Variants in ATRX observed in about 807,000 individuals in gnomAD.
ATRX encodes chromatin remodeler ATRX.
Under a neutral mutation model 172.6 loss-of-function variants are expected in ATRX, and 12 were observed. That is an observed-to-expected ratio of 0.07 (90% CI 0.04 to 0.11). The LOEUF (loss-of-function observed/expected upper bound fraction) is 0.11, where lower values mean the gene tolerates loss of function less well. ATRX is among the 10% of genes least tolerant of loss of function. ATRX has a pLI of 1.00. For missense variants in ATRX, 1,368 were observed against 1,767.4 expected (o/e 0.77, Z 4.05); for synonymous variants, 674 against 594.7 (o/e 1.13, Z -1.94).
At chrX:77,689,265 T>C (rs2071750101) in intron 6 of ATRX, among the ~76,000 whole-genome samples, 1 of 111,964 alleles carries the variant, frequency 8.9e-6, no homozygotes, top group Non-Finnish European at 1.9e-5. Context: ...AAATTCAGTA[T>C]CAGTCCTTAA....
intron 1 of ATRX, among the ~76,000 whole-genome samples, chrX:77,750,246 A>G (rs1446084753): frequency 8.9e-6 from 1 of 111,822 alleles, no homozygotes; most frequent in Admixed American, 9.6e-5. Context: ...ACATAAGTGT[A>G]TATAGGATTC....
chrX:77,668,917 T>C (rs965068371), intron 10 of ATRX, among the ~76,000 whole-genome samples: 5 of 110,719 alleles, frequency 4.5e-5, no homozygotes, highest in Non-Finnish European at 3.8e-5. Flanking sequence ...ATGAGTAATG[T>C]CGCTTGTTTA....
At chrX:77,729,860 C>A (rs2074221938) in intron 1 of ATRX, among the ~76,000 whole-genome samples, 1 of 111,331 alleles carries the variant, frequency 9.0e-6, no homozygotes, top group Non-Finnish European at 1.9e-5. Flanking sequence ...TTGCTTGAAC[C>A]CGGGAGGCAG....
At chrX:77,684,683 C>A (rs1557142894) in intron 8 of ATRX, 90 bp from the exon 9 acceptor site, 1 of 1,017,530 alleles carries the variant, frequency 9.8e-7, no homozygotes, top group Non-Finnish European at 1.4e-6. Flanking sequence ...TTATTCCCAA[C>A]AAAACTCATT....
chrX:77,586,929 C>T (rs951724711), intron 27 of ATRX, among the ~76,000 whole-genome samples: 5 of 110,049 alleles, frequency 4.5e-5, no homozygotes, highest in Admixed American at 9.8e-5. Flanking sequence ...GTGGCACACA[C>T]CTGTAATCCC....
At chrX:77,766,543 G>C (rs1467988916) in intron 1 of ATRX, among the ~76,000 whole-genome samples, 1 of 109,160 alleles carries the variant, frequency 9.2e-6, no homozygotes, top group Non-Finnish European at 1.9e-5. Flanking sequence ...CTCCCAGACG[G>C]GGTCGCAGCC....
At chrX:77,527,931 A>G (rs983658007) in intron 30 of ATRX, among the ~76,000 whole-genome samples, 4 of 109,936 alleles carry the variant, frequency 3.6e-5, no homozygotes, top group African/African-American at 1.3e-4. Context: ...GCCTTGCCAG[A>G]TAAGGGGGCC....
rs2062706780 is a variant in ATRX, at chrX:77,506,413, G to A, written c.*1938C>T. The A allele has an allele frequency of 5.7e-6, 1 of 174,326 alleles. No homozygotes were observed. Among genetic ancestry groups the A allele is most frequent in the Non-Finnish European group, 1.1e-5 (1 of 90,820 alleles). 14.4% of individuals were successfully genotyped at this position (174,326 alleles called of 1,213,427 possible). A position where few individuals can be genotyped will look rare whatever the true frequency, so the allele number is the denominator to read the frequency against. On this transcript the variant is annotated 3_prime_UTR_variant, in exon 35 of 35. Transcript: ENST00000373344. ...CATCCATGGTGAAAAAGATTTAGAAGGTTGCCTAAAATTTTCACATCTATG... is the reference window on the plus strand; with the variant it reads ...CATCCATGGTGAAAAAGATTTAGAAAGTTGCCTAAAATTTTCACATCTATG...
intron 1 of ATRX, among the ~76,000 whole-genome samples, chrX:77,718,039 T>C (rs1178247401): frequency 1.8e-5 from 2 of 111,555 alleles, no homozygotes; most frequent in Non-Finnish European, 3.8e-5. Context: ...ATATATAGCT[T>C]ATATTTGGGA....
chrX:77,773,687 G>A (rs1184144422), intron 1 of ATRX, among the ~76,000 whole-genome samples: 1 of 109,862 alleles, frequency 9.1e-6, no homozygotes, highest in African/African-American at 3.3e-5. Context: ...AGGAGGCGGA[G>A]GCTGCAGTGA....
intron 1 of ATRX, among the ~76,000 whole-genome samples, chrX:77,736,419 A>G (rs1413394537): frequency 8.9e-6 from 1 of 112,577 alleles, no homozygotes; most frequent in African/African-American, 3.2e-5. Context: ...GTGGATACAC[A>G]TTTCTCAAAA....
chrX:77,624,322 G>A (rs782114963), intron 19 of ATRX, among the ~76,000 whole-genome samples: 4 of 110,749 alleles, frequency 3.6e-5, no homozygotes, highest in South Asian at 7.6e-4. Flanking sequence ...AGCCAAGATC[G>A]CACCACTGCA....
chrX:77,754,554 C>T (rs1220508110), intron 1 of ATRX, among the ~76,000 whole-genome samples: 2 of 111,741 alleles, frequency 1.8e-5, no homozygotes, highest in African/African-American at 6.5e-5. Context: ...AATCTCTTAG[C>T]ATTTGATTGT....
At chrX:77,772,126 C>T (rs1323743810) in intron 1 of ATRX, among the ~76,000 whole-genome samples, 1 of 109,730 alleles carries the variant, frequency 9.1e-6, no homozygotes. Context: ...GAAAACCCGT[C>T]TCTACTAAAA....
chrX:77,615,653 A>G (rs782075853), intron 22 of ATRX, among the ~76,000 whole-genome samples: 39 of 111,924 alleles, frequency 3.5e-4, no homozygotes, highest in Non-Finnish European at 6.6e-4. Flanking sequence ...TTATAAAAGC[A>G]AAAAAGCAGT....
chrX:77,534,550 C>T (rs1358714104), intron 30 of ATRX, among the ~76,000 whole-genome samples: 6 of 111,421 alleles, frequency 5.4e-5, no homozygotes, highest in Non-Finnish European at 9.4e-5. Flanking sequence ...AATAGTGGAG[C>T]AGAATCTATA....
At chrX:77,730,194 AAT>A (rs1476023100) in intron 1 of ATRX, among the ~76,000 whole-genome samples, 2 of 111,859 alleles carry the variant, frequency 1.8e-5, no homozygotes, top group Non-Finnish European at 3.8e-5. Context: ...TGGCTATACT[AAT>A]ATAAGACAAA....
At chrX:77,779,813 T>C (rs2076504825) in intron 1 of ATRX, among the ~76,000 whole-genome samples, 2 of 112,203 alleles carry the variant, frequency 1.8e-5, no homozygotes, top group Non-Finnish European at 3.8e-5. Context: ...CAATAATTTC[T>C]TAACAAATAT....
Position 77,545,875 on chromosome X carries a change from C to G in ATRX, c.6699+11576G>C, listed in dbSNP as rs782601308. On this transcript the variant is annotated intron_variant, in intron 30 of 34. Coordinates refer to ENST00000373344, the MANE Select transcript of ATRX (RefSeq NM_000489.6). The stretch of plus-strand genomic sequence containing the variant: ...GCCCCAGGACCCCTGTCCTTAACCA[C>G]TCTGCTACACTGACTTAGGGCTAAG... 7.2e-5 allele frequency among the ~76,000 whole-genome samples: 8 copies of G among 111,362 alleles called. No homozygotes were observed. The South Asian group carries it at 3.0e-3, about 42-fold the overall frequency.
Sources: gnomAD v4.1 joint callset for allele counts (sites outside exome capture counted in the v4.1 genomes callset) on GRCh38, gnomAD v4.1.1 for gene constraint, MANE v1.5 for transcripts, NCBI Gene and HGNC (gene_info 2026-07-23, HGNC 2026-07-21) for gene names.